Variants in PTPRR observed in about 807,000 individuals in gnomAD.
The protein encoded by PTPRR is protein tyrosine phosphatase receptor type R.
In PTPRR, 38 loss-of-function variants were observed where a neutral mutation model predicts 77.2. The ratio of observed to expected loss-of-function variants is 0.49; its 90% CI spans 0.38 to 0.65. The LOEUF (loss-of-function observed/expected upper bound fraction) is 0.65, where lower values mean the gene tolerates loss of function less well. PTPRR is among the 30% of genes least tolerant of loss of function. PTPRR has a pLI of 0.00. For synonymous variants in PTPRR, 299 were observed against 283.1 expected (o/e 1.06, Z -0.57); for missense variants, 744 against 799.2 (o/e 0.93, Z 0.83).
At chr12:70,734,044 C>T (rs117233222) in intron 6 of PTPRR, among the ~76,000 whole-genome samples, 238 of 152,308 alleles carry the variant, frequency 1.6e-3, no homozygotes, top group Middle Eastern at 3.4e-3. Context: ...CCTCCTGACA[C>T]AGTATCTAAG....
chr12:70,907,334 T>C (rs982485074), intron 1 of PTPRR, among the ~76,000 whole-genome samples: 5 of 152,170 alleles, frequency 3.3e-5, no homozygotes, highest in South Asian at 4.1e-4. Context: ...TCCTCACATG[T>C]TTTTTCACAT....
At chr12:70,751,854 A>G (rs1890410459) in intron 5 of PTPRR, among the ~76,000 whole-genome samples, 1 of 152,150 alleles carries the variant, frequency 6.6e-6, no homozygotes, top group East Asian at 1.9e-4. Context: ...TATTATTATT[A>G]AAGTCCATAG....
intron 2 of PTPRR, among the ~76,000 whole-genome samples, chr12:70,847,023 T>C (rs1892496277): frequency 6.6e-6 from 1 of 152,142 alleles, no homozygotes; most frequent in South Asian, 2.1e-4. Flanking sequence ...CCAGGCACTG[T>C]ACATCCTAGT....
intron 1 of PTPRR, among the ~76,000 whole-genome samples, chr12:70,915,767 C>T (rs1250602632): frequency 6.6e-6 from 1 of 152,100 alleles, no homozygotes; most frequent in Non-Finnish European, 1.5e-5. Flanking sequence ...GAGTTTTGGA[C>T]AAATGAGCTG....
chr12:70,802,633 C>T lies in PTPRR; in HGVS notation c.358-37855G>A, dbSNP rs118087093. On this transcript the variant is annotated intron_variant, in intron 2 of 13. Transcript: ENST00000283228. ...TCTCTAAATTTACAAATGCATTTAA[C>T]GAAATTTAGAGTAAGTTAGTTTCCC... Among the ~76,000 whole-genome samples the T allele has an allele frequency of 3.9e-4, 59 of 152,224 alleles. 1 individual carries two copies. The East Asian group carries it at 7.5e-3, about 19-fold the overall frequency.
At chr12:70,831,222 C>T (rs550901871) in intron 2 of PTPRR, among the ~76,000 whole-genome samples, 1 of 152,094 alleles carries the variant, frequency 6.6e-6, no homozygotes, top group Non-Finnish European at 1.5e-5. Context: ...TATTATGTTG[C>T]AAAGAATAAA....
chr12:70,706,576 T>C (rs1888627700), intron 6 of PTPRR, among the ~76,000 whole-genome samples: 1 of 152,124 alleles, frequency 6.6e-6, no homozygotes, highest in Non-Finnish European at 1.5e-5. Context: ...TACACCTCAC[T>C]AGGTAGAATG....
At chr12:70,899,197 G>A (rs1227955670) in intron 1 of PTPRR, among the ~76,000 whole-genome samples, 1 of 150,860 alleles carries the variant, frequency 6.6e-6, no homozygotes, top group Admixed American at 6.6e-5. Flanking sequence ...ATAGAAGGGG[G>A]AACATTCACC....
chr12:70,711,432 C>T (rs1044012754), intron 6 of PTPRR, among the ~76,000 whole-genome samples: 1 of 151,988 alleles, frequency 6.6e-6, no homozygotes, highest in Admixed American at 6.6e-5. Context: ...GGAAAAATAA[C>T]TAAGGGGTAG....
intron 12 of PTPRR, among the ~76,000 whole-genome samples, chr12:70,658,041 T>C (rs1165774722): frequency 1.3e-5 from 2 of 152,330 alleles, no homozygotes; most frequent in Middle Eastern, 3.4e-3. Flanking sequence ...CCATTAACTA[T>C]AGCATAATGT....
chr12:70,767,408 G>T (rs1042929438), intron 2 of PTPRR, among the ~76,000 whole-genome samples: 7 of 149,990 alleles, frequency 4.7e-5, no homozygotes, highest in Non-Finnish European at 8.9e-5. Flanking sequence ...AAGATCAAAA[G>T]AGACAAAGGC....
At chr12:70,737,330 A>G (rs966367120) in intron 6 of PTPRR, among the ~76,000 whole-genome samples, 2 of 152,138 alleles carry the variant, frequency 1.3e-5, no homozygotes, top group South Asian at 2.1e-4. Flanking sequence ...CCCTGAGAGC[A>G]TCTTCTCAAC....
chr12:70,699,755 C>T (rs1888354516), intron 7 of PTPRR, among the ~76,000 whole-genome samples: 1 of 152,172 alleles, frequency 6.6e-6, no homozygotes, highest in African/African-American at 2.4e-5. Flanking sequence ...GTTGAATATT[C>T]AATGGAAAAC....
At chr12:70,718,601 T>C (rs1376689339) in intron 6 of PTPRR, among the ~76,000 whole-genome samples, 1 of 152,206 alleles carries the variant, frequency 6.6e-6, no homozygotes, top group East Asian at 1.9e-4. Context: ...ACCTTTTTTG[T>C]GTCTTACCAT....
intron 4 of PTPRR, 100 bp downstream of exon 4, chr12:70,761,371 T>C (rs1213055377): frequency 1.8e-6 from 2 of 1,125,390 alleles, no homozygotes; most frequent in Non-Finnish European, 2.4e-6. Flanking sequence ...TCAAATAACA[T>C]ACAATAAACA....
intron 6 of PTPRR, among the ~76,000 whole-genome samples, chr12:70,743,952 G>A (rs1051037911): frequency 6.6e-6 from 1 of 152,070 alleles, no homozygotes; most frequent in African/African-American, 2.4e-5. Flanking sequence ...ATAAAAATTT[G>A]TCTTTTAATC....
At chr12:70,639,401 C>A in intron 13 of PTPRR, 124 bp from the exon 14 acceptor site, 1 of 1,389,612 alleles carries the variant, frequency 7.2e-7, no homozygotes, top group Non-Finnish European at 9.6e-7. Flanking sequence ...CCTAGTGGTT[C>A]TTTTGTTATC....
At chr12:70,729,873 G>T (rs1278715243) in intron 6 of PTPRR, among the ~76,000 whole-genome samples, 1 of 151,694 alleles carries the variant, frequency 6.6e-6, no homozygotes, top group Non-Finnish European at 1.5e-5. Context: ...CCATGTTCAA[G>T]CCATGTTTTA....
Position 70,684,731 on chromosome 12 carries a change from G to T in PTPRR, c.1332C>A (p.Ser444Arg). 2 of 1,605,708 alleles carry T rather than the reference G, an allele frequency of 1.2e-6. No individual in the cohort carries two copies. Among genetic ancestry groups the T allele is most frequent in the Non-Finnish European group, 1.7e-6 (2 of 1,173,942 alleles). ...LRPKNVTDSL[S>R]TYINANYIRG... The stretch of plus-strand genomic sequence containing the variant: ...TAATATAATTAGCATTAATGTAGGT[G>T]CTCAATGAATCGGTTACATTTTTTG... Residue 444 changes from serine (S) to arginine (R), a missense_variant, in exon 9 of 14, where the codon AGC becomes AGA. This residue lies in a region of PTPRR where 570 missense variants were observed against 573.2 expected (regional missense o/e 0.99). Transcript: ENST00000283228.
Sources: allele counts gnomAD v4.1 joint callset (sites outside exome capture counted in the v4.1 genomes callset), GRCh38; gene constraint gnomAD v4.1.1; regional missense constraint gnomAD v4.1.1; transcripts MANE v1.5; gene names NCBI Gene and HGNC (gene_info 2026-07-23, HGNC 2026-07-21).